The following R3HDM1 variants were observed in gnomAD, a reference collection of about 807,000 sequenced individuals.
R3HDM1 encodes R3H domain containing 1.
R3HDM1 carries 46 observed loss-of-function variants against 141.1 expected under a neutral mutation model. The observed-to-expected ratio is 0.33, with a 90% confidence interval of 0.26 to 0.42. The LOEUF (loss-of-function observed/expected upper bound fraction) is 0.42. Ranked by LOEUF, R3HDM1 falls within the 10% of genes least tolerant of loss-of-function variation. The pLI is 1.00. For synonymous variants in R3HDM1, 435 were observed against 472.9 expected (o/e 0.92, Z 1.04); for missense variants, 1,184 against 1,368.3 (o/e 0.87, Z 2.12).
At position 135,710,085 on chromosome 2, in the gene R3HDM1, G is replaced by A. The variant is rs1053999323; in HGVS notation, c.2590G>A (p.Gly864Arg). 3 of 1,613,910 alleles carry A rather than the reference G, an allele frequency of 1.9e-6. No homozygotes were observed. Among genetic ancestry groups the A allele is most frequent in the Middle Eastern group, 1.7e-4 (1 of 6,060 alleles). The change falls in exon 23 of 27, where the codon GGG becomes AGG. Residue 864 changes from glycine (G) to arginine (R), a missense_variant. By Grantham distance (125) the Gly-to-Arg change is moderately radical. Transcript: ENST00000683871. ...TAGPPPPPGGGMVMMQLSVPN... is the reference protein window; with the variant it reads ...TAGPPPPPGGRMVMMQLSVPN... ...TGGACCACCACCGCCACCTGGTGGG[G>A]GGATGGTGATGATGCAGCTCAGTGT...
chr2:135,683,411 G>A (rs1274938994), intron 21 of R3HDM1, among the ~76,000 whole-genome samples: 12 of 151,358 alleles, frequency 7.9e-5, no homozygotes, highest in Non-Finnish European at 3.0e-5. Context: ...AAAATTAGCC[G>A]GGCGCGGTGG....
chr2:135,559,823 A>G (rs999953180), intron 1 of R3HDM1, among the ~76,000 whole-genome samples: 2 of 152,238 alleles, frequency 1.3e-5, no homozygotes, highest in African/African-American at 4.8e-5. Flanking sequence ...GGAGCTGACT[A>G]TAGCTTTCTC....
chr2:135,551,702 C>T (rs1331741478), intron 1 of R3HDM1, among the ~76,000 whole-genome samples: 1 of 152,180 alleles, frequency 6.6e-6, no homozygotes, highest in Non-Finnish European at 1.5e-5. Flanking sequence ...AGAATCTTTT[C>T]AAATGGAATT....
chr2:135,684,843 A>C (rs986686247), intron 21 of R3HDM1, among the ~76,000 whole-genome samples: 1 of 151,998 alleles, frequency 6.6e-6, no homozygotes, highest in Non-Finnish European at 1.5e-5. Context: ...GCTTACTGCA[A>C]CCTTCTCCTA....
chr2:135,628,204 A>G (rs1168176884), intron 7 of R3HDM1, among the ~76,000 whole-genome samples: 1 of 152,200 alleles, frequency 6.6e-6, no homozygotes, highest in Non-Finnish European at 1.5e-5. Context: ...GACCATTATA[A>G]AAATATCTAA....
At chr2:135,589,660 C>T (rs1221712438) in intron 1 of R3HDM1, among the ~76,000 whole-genome samples, 1 of 152,126 alleles carries the variant, frequency 6.6e-6, no homozygotes, top group African/African-American at 2.4e-5. Context: ...CTCATCCCCA[C>T]CTTCTCACTT....
In R3HDM1 at chr2:135,621,482, G is replaced by T. The variant is rs751669917; in HGVS notation, c.304-12G>T. On this transcript the variant is annotated splice_polypyrimidine_tract_variant and intron_variant, in intron 5 of 26. Transcript: ENST00000683871. Reference sequence around the variant, plus strand: ...GTATTTTCATTGAATAATTGACTTTGCCTTCCAACAGGAGAAAATTCAGAT... The same window carrying T: ...GTATTTTCATTGAATAATTGACTTTTCCTTCCAACAGGAGAAAATTCAGAT... 6.7e-7 allele frequency: 1 copy of T among 1,494,450 alleles called. No individual in the cohort carries two copies. Among genetic ancestry groups the T allele is most frequent in the Non-Finnish European group, 9.1e-7 (1 of 1,100,426 alleles). 92.6% of individuals were successfully genotyped at this position (1,494,450 alleles called of 1,614,324 possible).
chr2:135,675,227 A>C, intron 19 of R3HDM1, 105 bp from the exon 20 acceptor site: 1 of 1,203,208 alleles, frequency 8.3e-7, no homozygotes, highest in South Asian at 2.0e-5. Context: ...CATTTAATCA[A>C]AATTTTATCA....
At chr2:135,709,715 C>G (rs1435043288) in intron 22 of R3HDM1, among the ~76,000 whole-genome samples, 179 bp downstream of exon 22, 1 of 152,196 alleles carries the variant, frequency 6.6e-6, no homozygotes, top group Non-Finnish European at 1.5e-5. Flanking sequence ...TCCTTTCCTT[C>G]TACTGCTGCT....
chr2:135,571,946 T>C (rs1225944191), intron 1 of R3HDM1, among the ~76,000 whole-genome samples: 1 of 152,162 alleles, frequency 6.6e-6, no homozygotes, highest in Non-Finnish European at 1.5e-5. Context: ...TATTTTGTTT[T>C]ATTTTATTTT....
At chr2:135,715,478 T>C in intron 23 of R3HDM1, 72 bp from the exon 24 acceptor site, 2 of 1,493,384 alleles carry the variant, frequency 1.3e-6, no homozygotes, top group Non-Finnish European at 1.8e-6. Flanking sequence ...AGTACGTATA[T>C]GTAATCAGGA....
intron 19 of R3HDM1, among the ~76,000 whole-genome samples, chr2:135,661,650 C>T (rs1324648771): frequency 6.6e-6 from 1 of 152,180 alleles, no homozygotes; most frequent in Non-Finnish European, 1.5e-5. Flanking sequence ...AAGTGGCTGC[C>T]ATCTCTTACT....
chr2:135,616,631 C>T (rs750872507), intron 4 of R3HDM1, 37 bp from the exon 5 acceptor site: 2 of 1,502,896 alleles, frequency 1.3e-6, no homozygotes, highest in Admixed American at 1.8e-5. Flanking sequence ...CCCTAGATTT[C>T]TGAAATGTAG....
Position 135,635,939 on chromosome 2 carries a change from T to G in R3HDM1, c.748T>G (p.Phe250Val). The G allele has an allele frequency of 6.2e-7, 1 of 1,611,018 alleles. No homozygotes were observed. Among genetic ancestry groups the G allele is most frequent in the Non-Finnish European group, 8.5e-7 (1 of 1,178,924 alleles). The change falls in exon 10 of 27, where the codon TTT becomes GTT. Residue 250 changes from phenylalanine to valine, a missense_variant. By Grantham distance (50) the Phe-to-Val change is conservative (BLOSUM62 -1). This residue lies in a region of R3HDM1 where 240 missense variants were observed against 312.3 expected (regional missense o/e 0.77). Transcript: ENST00000683871. ...EHIKDDKGED[F>V]QKRYILKRDN... The stretch of plus-strand genomic sequence containing the variant: ...TATTAAGGATGATAAAGGTGAAGAC[T>G]TTCAGAAACGTTATATCCTCAAGAG...
intron 24 of R3HDM1, among the ~76,000 whole-genome samples, chr2:135,716,711 T>C (rs925835828): frequency 6.6e-6 from 1 of 152,170 alleles, no homozygotes; most frequent in Non-Finnish European, 1.5e-5. Context: ...CCCAGCACTT[T>C]GGGAGGCCCA....
At chr2:135,550,740 CTCTT>C (rs1699688925) in intron 1 of R3HDM1, among the ~76,000 whole-genome samples, 1 of 152,108 alleles carries the variant, frequency 6.6e-6, no homozygotes, top group Non-Finnish European at 1.5e-5. Flanking sequence ...CTTTTTTCTC[CTCTT>C]TCTACTTGTC....
chr2:135,642,544 A>G (rs893374610), intron 15 of R3HDM1, among the ~76,000 whole-genome samples: 3 of 152,216 alleles, frequency 2.0e-5, no homozygotes, highest in Non-Finnish European at 4.4e-5. Flanking sequence ...AGAAAAAATG[A>G]TCTTGTAAAA....
At chr2:135,622,759 A>G in intron 7 of R3HDM1, 27 bp downstream of exon 7, 5 of 1,536,392 alleles carry the variant, frequency 3.3e-6, no homozygotes, top group Admixed American at 1.9e-5. Flanking sequence ...TAAGGTTTCC[A>G]TTGCTTCTAG....
intron 21 of R3HDM1, among the ~76,000 whole-genome samples, chr2:135,693,255 G>C (rs2072721362): frequency 6.6e-6 from 1 of 152,116 alleles, no homozygotes; most frequent in Admixed American, 6.6e-5. Context: ...ATGTTCATCT[G>C]TAAAAACCAT....
Sources: gnomAD v4.1 joint callset for allele counts (sites outside exome capture counted in the v4.1 genomes callset) on GRCh38, gnomAD v4.1.1 for gene constraint, gnomAD v4.1.1 regional missense constraint, MANE v1.5 for transcripts, NCBI Gene and HGNC (gene_info 2026-07-23, HGNC 2026-07-21) for gene names.